RYR3: variants seen among roughly 807,000 people sequenced by gnomAD.
RYR3 encodes the protein ryanodine receptor 3.
A neutral mutation model predicts 584.3 loss-of-function variants in RYR3; 207 were observed. That is an observed-to-expected ratio of 0.35 (90% CI 0.32 to 0.40). The LOEUF is 0.40. Ranked by LOEUF, RYR3 falls within the 10% of genes least tolerant of loss-of-function variation. The pLI is 1.00. For missense variants in RYR3, 5,616 were observed against 6,089.2 expected, an observed-to-expected ratio of 0.92 and a Z score of 2.59; for synonymous variants, 2,416 against 2,248.5, an observed-to-expected ratio of 1.07 and a Z score of -2.11.
In RYR3 at chr15:33,566,624, C is replaced by T. The variant is rs151176917; in HGVS notation, c.1147-54C>T. 1,042 of 1,595,802 alleles carry T rather than the reference C, an allele frequency of 6.5e-4. 1 individual carries two copies. Among genetic ancestry groups the T allele is most frequent in the Non-Finnish European group, 8.6e-4 (1,006 of 1,164,004 alleles). On this transcript the variant is annotated intron_variant, in intron 11 of 103. Transcript: ENST00000634891. ...GCAATACTGCGGGAAATGTTGACTG[C>T]CCATATGTGGAATAATTGTAACCTA... is the stretch of plus-strand genomic sequence containing the variant.
intron 1 of RYR3, among the ~76,000 whole-genome samples, chr15:33,340,058 C>T (rs1971638532): frequency 6.6e-6 from 1 of 152,208 alleles, no homozygotes; most frequent in Admixed American, 6.5e-5. Flanking sequence ...CACTGCCCTT[C>T]CTACAGACCC....
chr15:33,406,472 C>A (rs2043025872), intron 1 of RYR3, among the ~76,000 whole-genome samples: 1 of 152,198 alleles, frequency 6.6e-6, no homozygotes, highest in Non-Finnish European at 1.5e-5. Context: ...AGTATTGACC[C>A]ATGATATTTA....
chr15:33,355,988 G>T (rs16969995), intron 1 of RYR3, among the ~76,000 whole-genome samples: 5 of 152,150 alleles, frequency 3.3e-5, no homozygotes, highest in African/African-American at 1.2e-4. Flanking sequence ...ACAGAAGAGT[G>T]AGACCTTCAG....
rs542981728 is a variant in RYR3, at chr15:33,683,850, C to T, written c.5861-12368C>T. Among the ~76,000 whole-genome samples the T allele has an allele frequency of 1.1e-4, 17 of 152,384 alleles. No individual in the cohort carries two copies. In the South Asian group the frequency reaches 2.1e-3, roughly 19 times the overall value. On this transcript the variant is annotated intron_variant, in intron 38 of 103. Coordinates refer to ENST00000634891, the MANE Select transcript of RYR3 (RefSeq NM_001036.6). ...AGATTCTCTCCTGTGCCTGCCTCAG[C>T]GGGTCCCAGGCCCACGGAGCCTTGC... is the stretch of plus-strand genomic sequence containing the variant.
intron 60 of RYR3, among the ~76,000 whole-genome samples, chr15:33,768,411 A>G (rs752003847): frequency 1.3e-5 from 2 of 152,188 alleles, no homozygotes; most frequent in South Asian, 4.1e-4. Flanking sequence ...TAACTGTTTC[A>G]GAGGGATTGT....
chr15:33,690,968 A>G (rs964561802), intron 38 of RYR3, among the ~76,000 whole-genome samples: 21 of 152,194 alleles, frequency 1.4e-4, no homozygotes, highest in Non-Finnish European at 3.1e-4. Context: ...TTAATGTCTG[A>G]CTTAATTGAA....
chr15:33,577,588 C>T (rs2058363264), intron 12 of RYR3, among the ~76,000 whole-genome samples: 1 of 152,132 alleles, frequency 6.6e-6, no homozygotes, highest in Non-Finnish European at 1.5e-5. Flanking sequence ...AAACTGGACC[C>T]CTTCCTTACA....
chr15:33,821,380 T>G lies in RYR3; in HGVS notation c.10915+11T>G, dbSNP rs377434659. The G allele has an allele frequency of 3.5e-5, 56 of 1,596,420 alleles. 1 individual carries two copies. Among genetic ancestry groups the G allele is most frequent in the Admixed American group, 7.0e-5 (4 of 57,236 alleles). The stretch of plus-strand genomic sequence containing the variant: ...TAAGCGCTAGCAAAGGTGATTTCCC[T>G]AGTTTCTGGATGGGCTTATGTAACT... On this transcript the variant is annotated intron_variant, in intron 79 of 103. Coordinates refer to ENST00000634891, the MANE Select transcript of RYR3 (RefSeq NM_001036.6).
chr15:33,562,091 G>A (rs1052192798), intron 10 of RYR3, among the ~76,000 whole-genome samples: 2 of 152,194 alleles, frequency 1.3e-5, no homozygotes, highest in South Asian at 2.1e-4. Context: ...GATTGATGAG[G>A]AGGGGAAGAA....
chr15:33,604,285 C>T (rs932307260), intron 18 of RYR3, among the ~76,000 whole-genome samples: 2 of 152,236 alleles, frequency 1.3e-5, no homozygotes, highest in African/African-American at 4.8e-5. Flanking sequence ...TCTTCTGTAA[C>T]TGGTAGCTAC....
At chr15:33,614,208 C>T (rs1421161454) in intron 19 of RYR3, among the ~76,000 whole-genome samples, 2 of 152,140 alleles carry the variant, frequency 1.3e-5, no homozygotes, top group Non-Finnish European at 2.9e-5. Context: ...TTCATTTATT[C>T]TACGGCTTGT....
chr15:33,341,193 T>C (rs559179955), intron 1 of RYR3, among the ~76,000 whole-genome samples: 24 of 152,138 alleles, frequency 1.6e-4, no homozygotes, highest in African/African-American at 5.3e-4. Flanking sequence ...TGCGCCCCAC[T>C]GCACCCAGCT....
At position 33,773,527 on chromosome 15, in the gene RYR3, G is replaced by A. The variant is rs770665101; in HGVS notation, c.9056-7G>A. 1.9e-6 allele frequency: 3 copies of A among 1,594,296 alleles called. No homozygotes were observed. In the African/African-American group the frequency reaches 4.0e-5, roughly 21 times the overall value. ...TGCAAATCAATGATATTTCTTCTTT[G>A]TTTCAGTGGGTGATGTGCAGATTTC... On this transcript the variant is annotated splice_polypyrimidine_tract_variant and splice_region_variant and intron_variant, in intron 63 of 103. Transcript: ENST00000634891.
intron 16 of RYR3, among the ~76,000 whole-genome samples, chr15:33,599,642 G>A (rs931874773): frequency 1.3e-5 from 2 of 152,154 alleles, no homozygotes; most frequent in African/African-American, 2.4e-5. Flanking sequence ...TGAATAGAAC[G>A]GGAGGCAGGT....
At chr15:33,328,065 G>T (rs529920245) in intron 1 of RYR3, among the ~76,000 whole-genome samples, 2 of 152,206 alleles carry the variant, frequency 1.3e-5, no homozygotes, top group Non-Finnish European at 2.9e-5. Context: ...CTGGGTTTTT[G>T]TTGCTGTGTT....
At chr15:33,687,855 G>A (rs1174359819) in intron 38 of RYR3, among the ~76,000 whole-genome samples, 2 of 152,162 alleles carry the variant, frequency 1.3e-5, no homozygotes, top group Non-Finnish European at 2.9e-5. Flanking sequence ...AAACTGGCTA[G>A]CCATATGTAG....
In RYR3 at chr15:33,757,025, A is replaced by G. The variant is rs2071908032; in HGVS notation, c.8584-450A>G. ...TGTTGCCAAAAGGAAGAAGGGGAGAATGAATTTGGGCTCAAGTTAGCAGTC... is the reference window on the plus strand; with the variant it reads ...TGTTGCCAAAAGGAAGAAGGGGAGAGTGAATTTGGGCTCAAGTTAGCAGTC... On this transcript the variant is annotated intron_variant, in intron 59 of 103. Transcript: ENST00000634891. 2.0e-5 allele frequency among the ~76,000 whole-genome samples: 3 copies of G among 152,178 alleles called. No individual in the cohort carries two copies. The South Asian group carries it at 6.2e-4, about 32-fold the overall frequency.
intron 94 of RYR3, 52 bp from the exon 95 acceptor site, chr15:33,852,993 T>G: frequency 6.7e-7 from 1 of 1,501,796 alleles, no homozygotes; most frequent in South Asian, 1.2e-5. Context: ...TCTTGATGTG[T>G]TTTCCTTGAT....
chr15:33,603,797 A>C (rs2059784584), intron 18 of RYR3, among the ~76,000 whole-genome samples: 1 of 152,244 alleles, frequency 6.6e-6, no homozygotes, highest in Admixed American at 6.5e-5. Flanking sequence ...ATTTATTCAA[A>C]GTCACACTAG....
Sources: gnomAD v4.1 joint callset for allele counts (sites outside exome capture counted in the v4.1 genomes callset) on GRCh38, gnomAD v4.1.1 for gene constraint, MANE v1.5 for transcripts, NCBI Gene and HGNC (gene_info 2026-07-23, HGNC 2026-07-21) for gene names.